The following C2CD3 variants were observed in gnomAD, a reference collection of about 807,000 sequenced individuals.
The protein encoded by C2CD3 is C2 domain containing 3 centriole elongation regulator.
In C2CD3, 148 loss-of-function variants were observed where a neutral mutation model predicts 234.0. The observed-to-expected ratio is 0.63, with a 90% CI of 0.55 to 0.72. The LOEUF (loss-of-function observed/expected upper bound fraction) is 0.72, where lower values mean the gene tolerates loss of function less well. Ranked by LOEUF, C2CD3 falls within the 30% of genes least tolerant of loss-of-function variation. C2CD3 has a pLI of 0.00. For synonymous variants in C2CD3, 1,000 were observed against 1,035.4 expected, an observed-to-expected ratio of 0.97 and a Z score of 0.66; for missense variants, 2,577 against 2,811.5, an observed-to-expected ratio of 0.92 and a Z score of 1.89.
intron 24 of C2CD3, 74 bp from the exon 25 acceptor site, chr11:74,057,618 G>T: frequency 6.8e-7 from 1 of 1,469,928 alleles, no homozygotes; most frequent in South Asian, 1.2e-5. Context: ...GCACAAGCAG[G>T]ACTATTCCTG....
intron 24 of C2CD3, among the ~76,000 whole-genome samples, chr11:74,060,749 G>A (rs113391498): frequency 0.057 from 8,673 of 152,222 alleles, 791 homozygotes; most frequent in African/African-American, 0.2. Flanking sequence ...CGCCAGCAAC[G>A]GAACAAAGTT....
At position 74,138,842 on chromosome 11, in the gene C2CD3, C is replaced by T. The variant is rs758161362; in HGVS notation, c.833G>A (p.Arg278Gln). 14 of 1,613,844 alleles carry T rather than the reference C, an allele frequency of 8.7e-6. No homozygotes were observed. Among genetic ancestry groups the T allele is most frequent in the African/African-American group, 2.7e-5 (2 of 74,902 alleles). ...ESVTLKGRAP[R>Q]KQMSLLNSSE... The stretch of plus-strand genomic sequence containing the variant: ...ACTGTTCAGAAGGGACATCTGCTTC[C>T]GTGGAGCTCTGCCTTTCAGAGTTAC... Residue 278 changes from arginine to glutamine, a missense_variant, in exon 5 of 33, where the codon CGG becomes CAG. Coordinates refer to ENST00000334126, the MANE Select transcript of C2CD3 (RefSeq NM_001286577.2).
chr11:74,103,295 G>A lies in C2CD3; in HGVS notation c.2416C>T (p.His806Tyr), dbSNP rs1303677178. 1 of 1,614,072 alleles carries A rather than the reference G, an allele frequency of 6.2e-7. No individual in the cohort carries two copies. The highest frequency in any genetic ancestry group is 1.3e-5 in the African/African-American group (1 of 74,928). ...GTTKESALLL[H>Y]VLLMVPDGKD... ...CCATCTGGCACCATCAACAGCACAT[G>A]CAACAGCAAAGCACTCTCTTTTGTT... Residue 806 changes from histidine to tyrosine, a missense_variant, in exon 14 of 33, where the codon CAT becomes TAT. His to Tyr is a moderately conservative substitution (Grantham distance 83). Coordinates refer to ENST00000334126, the MANE Select transcript of C2CD3 (RefSeq NM_001286577.2).
chr11:74,097,149 G>GA (rs5792645), intron 16 of C2CD3, among the ~76,000 whole-genome samples: 240 of 134,916 alleles, frequency 1.8e-3, no homozygotes, highest in Admixed American at 5.0e-3. Flanking sequence ...ACCTCACCTC[G>GA]AAAAAAAAAA....
rs1488106140 is a variant in C2CD3 at position 74,078,204 on chromosome 11, C to G, written c.4514G>C (p.Arg1505Thr). The G allele has an allele frequency of 6.2e-7, 1 of 1,614,096 alleles. No homozygotes were observed. Among genetic ancestry groups the G allele is most frequent in the African/African-American group, 1.3e-5 (1 of 75,012 alleles). The change falls in exon 23 of 33, where the codon AGA becomes ACA. Residue 1505 changes from arginine to threonine, a missense_variant. Arg to Thr is a moderately conservative substitution (Grantham distance 71). Coordinates refer to ENST00000334126, the MANE Select transcript of C2CD3 (RefSeq NM_001286577.2). ...WRAYGNDSVE[R>T]PHQTDSWIGS... Reference sequence around the variant, plus strand: ...AATCCAGCTGTCTGTCTGATGGGGTCTCTCCACACTGTCATTGCCATAAGC... The same window carrying G: ...AATCCAGCTGTCTGTCTGATGGGGTGTCTCCACACTGTCATTGCCATAAGC...
chr11:74,127,236 A>C (rs1024957730), intron 7 of C2CD3, among the ~76,000 whole-genome samples: 6 of 152,156 alleles, frequency 3.9e-5, no homozygotes, highest in African/African-American at 1.4e-4. Flanking sequence ...TGAACTCCTG[A>C]GCTAAAGCGA....
At chr11:74,038,328 G>A (rs556947961) in intron 29 of C2CD3, among the ~76,000 whole-genome samples, 2 of 152,300 alleles carry the variant, frequency 1.3e-5, no homozygotes, top group East Asian at 1.9e-4. Context: ...CTGTTTAAAA[G>A]CCTTTAATAG....
chr11:74,125,088 T>A (rs983613802), intron 7 of C2CD3, among the ~76,000 whole-genome samples: 3 of 152,188 alleles, frequency 2.0e-5, no homozygotes, highest in African/African-American at 7.2e-5. Flanking sequence ...TAAAAAACAG[T>A]AGCTGACTGA....
intron 18 of C2CD3, among the ~76,000 whole-genome samples, chr11:74,092,860 G>A (rs1032638095): frequency 6.6e-6 from 1 of 152,130 alleles, no homozygotes; most frequent in Non-Finnish European, 1.5e-5. Context: ...GGCCACTCCT[G>A]AAAGCTTCCA....
chr11:74,084,987 A>G lies in C2CD3; in HGVS notation c.3911-17T>C. 1 of 1,495,618 alleles carries G rather than the reference A, an allele frequency of 6.7e-7. No individual in the cohort carries two copies. Among genetic ancestry groups the G allele is most frequent in the Non-Finnish European group, 9.3e-7 (1 of 1,073,320 alleles). 92.6% of individuals were successfully genotyped at this position (1,495,618 alleles called of 1,614,324 possible). ...TATCACTTGCTGTTAAATCAAGCAA[A>G]AAAGAAAAATTATTTGATGGTCTAT... is the stretch of plus-strand genomic sequence containing the variant. On this transcript the variant is annotated splice_polypyrimidine_tract_variant and intron_variant, in intron 21 of 32. Coordinates refer to ENST00000334126, the MANE Select transcript of C2CD3 (RefSeq NM_001286577.2).
intron 11 of C2CD3, among the ~76,000 whole-genome samples, chr11:74,111,725 G>C (rs1590832715): frequency 6.6e-6 from 1 of 152,182 alleles, no homozygotes; most frequent in South Asian, 2.1e-4. Flanking sequence ...GCCCAGGATG[G>C]CTTTGAATGC....
chr11:74,085,479 C>T, intron 21 of C2CD3, 139 bp downstream of exon 21: 12 of 810,286 alleles, frequency 1.5e-5, no homozygotes, highest in Admixed American at 1.1e-4. Context: ...TTATTTTTTG[C>T]TATATCTTTC....
intron 19 of C2CD3, 131 bp downstream of exon 19, chr11:74,092,285 C>A (rs1449418139): frequency 4.9e-5 from 35 of 710,600 alleles, no homozygotes; most frequent in Non-Finnish European, 1.9e-5. Flanking sequence ...GAACTCCTGA[C>A]CTCAGGTGAT....
chr11:74,113,718 G>T, intron 11 of C2CD3, 62 bp downstream of exon 11: 2 of 913,718 alleles, frequency 2.2e-6, no homozygotes, highest in Non-Finnish European at 3.6e-6. Context: ...GAGTAATTAG[G>T]AATTCAAAAA....
At chr11:74,131,753 G>C (rs1174310384) in intron 7 of C2CD3, among the ~76,000 whole-genome samples, 1 of 151,980 alleles carries the variant, frequency 6.6e-6, no homozygotes, top group Non-Finnish European at 1.5e-5. Context: ...TGTACTGTTA[G>C]TAGAGACAGG....
chr11:74,106,385 A>AT lies in C2CD3; in HGVS notation c.2070dup (p.Phe691IlefsTer14), dbSNP rs752638694. The AT allele has an allele frequency of 3.1e-6, 5 of 1,614,042 alleles. No homozygotes were observed. The highest frequency in any genetic ancestry group is 2.7e-5 in the African/African-American group (2 of 74,932). The stretch of plus-strand genomic sequence containing the variant: ...TATCTACATACCTTGAGGGGGCCAA[A>AT]TGGAGACTGACCATTTTCTTGTTGC... On this transcript the variant is annotated frameshift_variant, in exon 13 of 33. Transcript: ENST00000334126. LOFTEE classifies it high-confidence loss of function.
chr11:74,046,119 C>A (rs1001936858), intron 28 of C2CD3, among the ~76,000 whole-genome samples: 1 of 152,158 alleles, frequency 6.6e-6, no homozygotes, highest in South Asian at 2.1e-4. Context: ...TTAAAGAATA[C>A]AATTTGATGA....
chr11:74,167,415 C>G (rs10898961), intron 2 of C2CD3, among the ~76,000 whole-genome samples: 40,237 of 152,076 alleles, frequency 0.26, 6,401 homozygotes, highest in African/African-American at 0.44. Flanking sequence ...CGGGATCATT[C>G]TTATTAATTT....
Position 74,074,292 on chromosome 11 carries a change from T to G in C2CD3, c.4912A>C (p.Ser1638Arg), listed in dbSNP as rs757918915. ...PADLDGTFAV[S>R]ILVERAMHLS... ...TGCATTGCTCTTTCTACTAGGATGC[T>G]GACTGCAAACGTTCCATCCAAATCA... The change falls in exon 24 of 33, where the codon AGC becomes CGC. Residue 1638 changes from serine to arginine, a missense_variant. Ser to Arg is a moderately radical substitution (Grantham distance 110, BLOSUM62 -1). Coordinates refer to ENST00000334126, the MANE Select transcript of C2CD3 (RefSeq NM_001286577.2). The G allele has an allele frequency of 1.2e-6, 2 of 1,614,198 alleles. No homozygotes were observed. Among genetic ancestry groups the G allele is most frequent in the Non-Finnish European group, 1.7e-6 (2 of 1,179,996 alleles).
Sources: allele counts gnomAD v4.1 joint callset (sites outside exome capture counted in the v4.1 genomes callset), GRCh38; gene constraint gnomAD v4.1.1; transcripts MANE v1.5; gene names NCBI Gene and HGNC (gene_info 2026-07-23, HGNC 2026-07-21).